KLRB1: variants seen among roughly 807,000 people sequenced by gnomAD.
The protein encoded by KLRB1 is killer cell lectin like receptor B1, also known as killer cell lectin-like receptor subfamily B member 1.
Under a neutral mutation model 33.5 loss-of-function variants are expected in KLRB1, and 27 were observed. The ratio of observed to expected loss-of-function variants is 0.81; its 90% CI spans 0.59 to 1.11. KLRB1 has a LOEUF of 1.11. Ranked by LOEUF, KLRB1 falls within the 50% of genes most tolerant of loss-of-function variation. The pLI is 0.00. For missense variants in KLRB1, 241 were observed against 254.1 expected, an observed-to-expected ratio of 0.95 and a Z score of 0.35; for synonymous variants, 64 against 88.9, an observed-to-expected ratio of 0.72 and a Z score of 1.58.
Position 9,601,541 on chromosome 12 carries a change from A to C in KLRB1, c.144T>G (p.Ile48Met), listed in dbSNP as rs200576922. The C allele has an allele frequency of 1.2e-6, 2 of 1,613,878 alleles. No individual in the cohort carries two copies. The highest frequency in any genetic ancestry group is 1.7e-5 in the Admixed American group (1 of 60,012). The change falls in exon 2 of 6, where the codon ATT becomes ATG. Residue 48 changes from isoleucine to methionine, a missense_variant. Physicochemically the swap from Ile to Met is conservative, Grantham distance 10 (BLOSUM62 1). Transcript: ENST00000229402. ...CAGTAACAACCAAGACAAGGAGAAT[A>C]ATCCCAGCACAGCTAAGTTTCAGGG... The part of the protein sequence containing the change: ...QFALKLSCAG[I>M]ILLVLVVTGL...
chr12:9,603,412 T>G (rs1335415433), intron 1 of KLRB1, among the ~76,000 whole-genome samples: 1 of 149,838 alleles, frequency 6.7e-6, no homozygotes, highest in Non-Finnish European at 1.5e-5. Context: ...CTATTTTAAG[T>G]GTTAACTTAA....
intron 1 of KLRB1, among the ~76,000 whole-genome samples, chr12:9,607,404 C>CTTTCT (rs1565444744): frequency 4.1e-5 from 1 of 24,386 alleles, no homozygotes; most frequent in East Asian, 1.2e-3. Flanking sequence ...TTCTTTCTTT[C>CTTTCT]TTTTCTTTCT....
chr12:9,597,987 A>G (rs1864506794), intron 5 of KLRB1, 59 bp downstream of exon 5: 4 of 785,722 alleles, frequency 5.1e-6, no homozygotes, highest in Admixed American at 5.8e-5. Flanking sequence ...CAGTGTTACT[A>G]CCTTGCAGTG....
chr12:9,603,807 C>T (rs180746060), intron 1 of KLRB1, among the ~76,000 whole-genome samples: 11 of 152,112 alleles, frequency 7.2e-5, no homozygotes, highest in East Asian at 1.9e-4. Flanking sequence ...ACAGTCTTTC[C>T]GATCTAGCAA....
chr12:9,599,985 A>G, intron 2 of KLRB1, 144 bp from the exon 3 acceptor site: 1 of 435,096 alleles, frequency 2.3e-6, no homozygotes, highest in Non-Finnish European at 4.1e-6. Context: ...AGTGGTAAAA[A>G]AAAAAAAAAA....
Position 9,607,794 on chromosome 12 carries a change from A to G in KLRB1, c.46T>C (p.Ser16Pro). 6.2e-7 allele frequency: 1 copy of G among 1,613,834 alleles called. No homozygotes were observed. Among genetic ancestry groups the G allele is most frequent in the Non-Finnish European group, 8.5e-7 (1 of 1,179,790 alleles). Reference sequence around the variant, plus strand: ...GAAGGTGAAGAACTTTCTGGGCCTGAGTCTGTGGGTAAGTTTAACTCAGCA... The same window carrying G: ...GAAGGTGAAGAACTTTCTGGGCCTGGGTCTGTGGGTAAGTTTAACTCAGCA... ...IYAELNLPTD[S>P]GPESSSPSSL... is the part of the protein sequence containing the mutation. Residue 16 changes from serine to proline, a missense_variant, in exon 1 of 6, where the codon TCA becomes CCA. Coordinates refer to ENST00000229402, the MANE Select transcript of KLRB1 (RefSeq NM_002258.3).
At position 9,595,460 on chromosome 12, in the gene KLRB1, T is replaced by C. The variant is rs764588735; in HGVS notation, c.531-39A>G. ...GAAAAGTCTGTCTTAGCATTTATGA[T>C]TTTCTCAGAGCTATTCTCACTTAGC... On this transcript the variant is annotated intron_variant, in intron 5 of 5. Transcript: ENST00000229402. 3.8e-6 allele frequency: 6 copies of C among 1,594,658 alleles called. No homozygotes were observed. The African/African-American group carries it at 8.1e-5, about 21-fold the overall frequency.
chr12:9,601,945 A>G (rs2120715986), intron 1 of KLRB1, among the ~76,000 whole-genome samples: 2 of 152,360 alleles, frequency 1.3e-5, no homozygotes, highest in South Asian at 2.1e-4. Flanking sequence ...GTCTTAATGT[A>G]TGAAGTAAGT....
chr12:9,597,061 A>G (rs1864498012), intron 5 of KLRB1, among the ~76,000 whole-genome samples: 1 of 152,284 alleles, frequency 6.6e-6, no homozygotes, highest in South Asian at 2.1e-4. Context: ...TATAATGTCA[A>G]AACTTTGCTG....
At chr12:9,601,625 A>AAAAC (rs3072720) in intron 1 of KLRB1, 26 bp from the exon 2 acceptor site, 1,094,902 of 1,308,090 alleles carry the variant, frequency 0.84, 473,884 homozygotes, top group East Asian at 0.99. Context: ...GAAAAACACA[A>AAAAC]AAACAAACAA....
chr12:9,605,164 A>G (rs1293217785), intron 1 of KLRB1, among the ~76,000 whole-genome samples: 1 of 152,208 alleles, frequency 6.6e-6, no homozygotes, highest in Admixed American at 6.5e-5. Context: ...AAAGGACATG[A>G]AATCATCCTT....
rs563890415 is a variant in KLRB1 at position 9,601,084 on chromosome 12, T to C, written c.184+417A>G. Among the ~76,000 whole-genome samples, 279 of 106,866 alleles carry C rather than the reference T, an allele frequency of 2.6e-3. 3 individuals are homozygous for C. In the Middle Eastern group the frequency reaches 0.031, roughly 12 times the overall value. The allele number at this position is 106,866 out of a possible 152,430, so 70.1% of individuals were successfully genotyped here. A position where few individuals can be genotyped will look rare whatever the true frequency, so the allele number is the denominator to read the frequency against. On this transcript the variant is annotated intron_variant, in intron 2 of 5. Transcript: ENST00000229402. ...AGGACCTGCGGGCAGCAATACTGCT[T>C]TGTAAAGCATTGAGATGTTTATGTG...
At chr12:9,604,230 T>A (rs770192971) in intron 1 of KLRB1, among the ~76,000 whole-genome samples, 1 of 152,300 alleles carries the variant, frequency 6.6e-6, no homozygotes, top group African/African-American at 2.4e-5. Flanking sequence ...TATCTGGAAA[T>A]ACCTACCTAT....
At chr12:9,607,390 T>TTCTTTCTTTCTG (rs1864629960) in intron 1 of KLRB1, among the ~76,000 whole-genome samples, 1 of 112,574 alleles carries the variant, frequency 8.9e-6, no homozygotes, top group African/African-American at 2.9e-5. Context: ...CTTTCTTTCT[T>TTCTTTCTTTCTG]TCTTTCTTTC....
chr12:9,600,364 G>C (rs1298779130), intron 2 of KLRB1, among the ~76,000 whole-genome samples: 1 of 152,120 alleles, frequency 6.6e-6, no homozygotes, highest in African/African-American at 2.4e-5. Context: ...TGAAAGGCTG[G>C]TATCCAAAGT....
chr12:9,607,335 C>CTTCCTTCCTTTCTTTCTTTCTTTCTTT (rs1491505010), intron 1 of KLRB1, among the ~76,000 whole-genome samples: 4 of 65,168 alleles, frequency 6.1e-5, no homozygotes, highest in African/African-American at 1.3e-4. Context: ...CTCTTTCTTT[C>CTTCCTTCCTTTCTTTCTTTCTTTCTTT]CTTTCTTTCT....
At chr12:9,599,431 C>T (rs1279761505) in intron 3 of KLRB1, among the ~76,000 whole-genome samples, 3 of 152,198 alleles carry the variant, frequency 2.0e-5, no homozygotes, top group African/African-American at 7.2e-5. Context: ...TCAGACCAAA[C>T]TTAACAGCTC....
chr12:9,598,733 A>G, intron 3 of KLRB1, 80 bp from the exon 4 acceptor site: 1 of 934,114 alleles, frequency 1.1e-6, no homozygotes, highest in Non-Finnish European at 1.6e-6. Context: ...TCACACACAC[A>G]CAGGTCATTA....
chr12:9,601,758 CATCATTCTA>C (rs1273811962), intron 1 of KLRB1, among the ~76,000 whole-genome samples, 159 bp from the exon 2 acceptor site: 1 of 152,132 alleles, frequency 6.6e-6, no homozygotes, highest in Non-Finnish European at 1.5e-5. Flanking sequence ...AACCTCTATC[CATCATTCTA>C]AAAGTAGAGT....
Sources: gnomAD v4.1 joint callset for allele counts (sites outside exome capture counted in the v4.1 genomes callset) on GRCh38, gnomAD v4.1.1 for gene constraint, MANE v1.5 for transcripts, NCBI Gene and HGNC (gene_info 2026-07-23, HGNC 2026-07-21) for gene names.